The following LMTK2 variants were observed in gnomAD, a reference collection of about 807,000 sequenced individuals.
The protein encoded by LMTK2 is lemur tail kinase 2, also known as serine/threonine-protein kinase LMTK2.
In LMTK2, 37 loss-of-function variants were observed where a neutral mutation model predicts 127.5. The ratio of observed to expected loss-of-function variants is 0.29; its 90% CI spans 0.22 to 0.38. The LOEUF (loss-of-function observed/expected upper bound fraction) is 0.38, where lower values mean the gene tolerates loss of function less well. Ranked by LOEUF, LMTK2 falls within the 10% of genes least tolerant of loss-of-function variation. LMTK2 has a pLI of 1.00. For missense variants in LMTK2, 1,694 were observed against 1,920.3 expected, an observed-to-expected ratio of 0.88 and a Z score of 2.20; for synonymous variants, 819 against 810.1, an observed-to-expected ratio of 1.01 and a Z score of -0.19.
At chr7:98,114,524 C>T (rs1796249182) in intron 1 of LMTK2, among the ~76,000 whole-genome samples, 1 of 152,128 alleles carries the variant, frequency 6.6e-6, no homozygotes, top group Non-Finnish European at 1.5e-5. Flanking sequence ...GGATTACAGG[C>T]ATGAGCCACT....
chr7:98,128,339 T>G (rs886799770), intron 1 of LMTK2, among the ~76,000 whole-genome samples: 3 of 152,106 alleles, frequency 2.0e-5, no homozygotes, highest in African/African-American at 4.8e-5. Context: ...TGGGGAACTT[T>G]AGACACACAC....
Position 98,207,110 on chromosome 7 carries a change from G to GGCTGT in LMTK2, c.*1628_*1632dup, listed in dbSNP as rs1224044593. The GGCTGT allele has an allele frequency of 2.0e-5, 3 of 152,288 alleles. No individual in the cohort carries two copies. The highest frequency in any genetic ancestry group is 7.2e-5 in the African/African-American group (3 of 41,420). The allele number at this position is 152,288 out of a possible 1,614,324, so 9.4% of individuals were successfully genotyped here. A position where few individuals can be genotyped will look rare whatever the true frequency, so the allele number is the denominator to read the frequency against. ...AAGTCCTCGGTGGCTGGTGCAGCGC[G>GGCTGT]GCTGTGCTGTGCTGGGGAGGCAGCC... On this transcript the variant is annotated 3_prime_UTR_variant, in exon 14 of 14. Transcript: ENST00000297293.
rs117048213 is a variant in LMTK2, at chr7:98,171,869, A to G, written c.791+195A>G. 0.012 allele frequency among the ~76,000 whole-genome samples: 1,857 copies of G among 152,372 alleles called. 17 individuals carry two copies. The highest frequency in any genetic ancestry group is 0.02 in the Admixed American group (307 of 15,308). On this transcript the variant is annotated intron_variant, in intron 7 of 13. Coordinates refer to ENST00000297293, the MANE Select transcript of LMTK2 (RefSeq NM_014916.4). The surrounding 1 kb of genome is among the most constrained non-coding windows in gnomAD (Gnocchi z 5.1). The stretch of plus-strand genomic sequence containing the variant: ...GCTTCATTGAAACCAGTACCAGGGA[A>G]TAAGATGTCTTAATACATTTATTAT...
intron 1 of LMTK2, among the ~76,000 whole-genome samples, chr7:98,120,578 TTAAAG>T (rs1220305257): frequency 6.6e-6 from 1 of 152,232 alleles, no homozygotes; most frequent in Non-Finnish European, 1.5e-5. Context: ...AAATTTAAGT[TTAAAG>T]TATTTTTCTC....
intron 9 of LMTK2, among the ~76,000 whole-genome samples, chr7:98,187,887 G>A (rs906898173): frequency 7.2e-5 from 11 of 152,222 alleles, no homozygotes; most frequent in African/African-American, 2.4e-4. Flanking sequence ...GTGAGCCACC[G>A]CACCTGGCCC....
Position 98,192,215 on chromosome 7 carries a change from C to A in LMTK2, c.1750C>A (p.Pro584Thr), listed in dbSNP as rs1168245486. Residue 584 changes from proline (P) to threonine (T), a missense_variant, in exon 11 of 14, where the codon CCT becomes ACT. Pro to Thr is a conservative substitution (Grantham distance 38). Transcript: ENST00000297293. ...CATGGATAATCCAGAAAGGACTGGC[C>A]CTGAACTGTCCCAGCTCACGGCGCT... Reference protein sequence around the residue: ...TDMDNPERTGPELSQLTALRS... With the variant: ...TDMDNPERTGTELSQLTALRS... 1 of 1,524,442 alleles carries A rather than the reference C, an allele frequency of 6.6e-7. No individual in the cohort carries two copies. Among genetic ancestry groups the A allele is most frequent in the South Asian group, 1.3e-5 (1 of 74,976 alleles). The allele number at this position is 1,524,442 out of a possible 1,614,324, so 94.4% of individuals were successfully genotyped here.
intron 4 of LMTK2, among the ~76,000 whole-genome samples, chr7:98,153,047 A>T (rs1471099872): frequency 6.6e-6 from 1 of 152,228 alleles, no homozygotes; most frequent in East Asian, 1.9e-4. Context: ...TGCAACAGAC[A>T]CTGCAGGAGA....
At chr7:98,157,058 G>A (rs1380201595) in intron 5 of LMTK2, among the ~76,000 whole-genome samples, 2 of 152,100 alleles carry the variant, frequency 1.3e-5, no homozygotes, top group Non-Finnish European at 2.9e-5. Flanking sequence ...GACCAGCCTG[G>A]GCAATGTGGT....
chr7:98,194,236 G>A lies in LMTK2; in HGVS notation c.3771G>A (p.Lys1257=), dbSNP rs760023924. 6.2e-7 allele frequency: 1 copy of A among 1,614,144 alleles called. No homozygotes were observed. The highest frequency in any genetic ancestry group is 1.1e-5 in the South Asian group (1 of 91,084). Residue 1257 remains lysine (K), a synonymous_variant, in exon 11 of 14, where the codon AAG becomes AAA. Coordinates refer to ENST00000297293, the MANE Select transcript of LMTK2 (RefSeq NM_014916.4). This position sits in a 1 kb window ranked among gnomAD's most constrained non-coding sequence, Gnocchi z 5.4. The part of the protein sequence containing the change: ...LSSHSEGPKL[K]EPDIEGKYLG... Reference sequence around the variant, plus strand: ...GCCACTCCGAGGGCCCGAAGTTGAAGGAGCCGGACATCGAAGGGAAGTACC... The same window carrying A: ...GCCACTCCGAGGGCCCGAAGTTGAAAGAGCCGGACATCGAAGGGAAGTACC...
At chr7:98,115,877 A>G (rs1314284456) in intron 1 of LMTK2, among the ~76,000 whole-genome samples, 1 of 152,076 alleles carries the variant, frequency 6.6e-6, no homozygotes, top group Non-Finnish European at 1.5e-5. Context: ...ATATCTTCAT[A>G]TCATTGGTTT....
chr7:98,168,393 C>T (rs1264446777), intron 6 of LMTK2, among the ~76,000 whole-genome samples: 2 of 152,204 alleles, frequency 1.3e-5, no homozygotes, highest in Non-Finnish European at 1.5e-5. Flanking sequence ...AGCGAGGCCC[C>T]GGGCTTCGCG....
chr7:98,194,413 C>T lies in LMTK2; in HGVS notation c.3948C>T (p.His1316=). 1 of 1,614,166 alleles carries T rather than the reference C, an allele frequency of 6.2e-7. No homozygotes were observed. The highest frequency in any genetic ancestry group is 8.5e-7 in the Non-Finnish European group (1 of 1,180,044). The stretch of plus-strand genomic sequence containing the variant: ...CCGAGTCGGAGGACGAGACCGAGCA[C>T]CCCGTGCCCATCATCCTCAGCAACG... ...LSSESEDETE[H]PVPIILSNED... Residue 1316 remains histidine (H), a synonymous_variant, in exon 11 of 14, where the codon CAC becomes CAT. Transcript: ENST00000297293. The surrounding 1 kb of genome is among the most constrained non-coding windows in gnomAD (Gnocchi z 5.4).
intron 2 of LMTK2, among the ~76,000 whole-genome samples, chr7:98,137,896 C>G (rs1213283429): frequency 6.6e-6 from 1 of 152,196 alleles, no homozygotes. Flanking sequence ...CTTCTGTAGA[C>G]TGGTGAATTT....
chr7:98,110,076 A>G (rs745761290), intron 1 of LMTK2, among the ~76,000 whole-genome samples: 27 of 152,138 alleles, frequency 1.8e-4, no homozygotes, highest in Non-Finnish European at 3.7e-4. Flanking sequence ...CCCATTTCAT[A>G]GGGTCTTTCG....
chr7:98,141,323 A>G, intron 2 of LMTK2, 74 bp from the exon 3 acceptor site: 1 of 1,407,574 alleles, frequency 7.1e-7, no homozygotes, highest in Non-Finnish European at 9.9e-7. Flanking sequence ...AGCAAGTTCC[A>G]AATCATTGTG....
At chr7:98,172,244 G>A (rs1233747753) in intron 7 of LMTK2, among the ~76,000 whole-genome samples, 1 of 152,056 alleles carries the variant, frequency 6.6e-6, no homozygotes, top group Non-Finnish European at 1.5e-5. Flanking sequence ...GCAGCACAGC[G>A]ATCTGTGTAG....
intron 3 of LMTK2, among the ~76,000 whole-genome samples, chr7:98,142,069 C>T (rs982465350): frequency 6.6e-6 from 1 of 151,854 alleles, no homozygotes; most frequent in Non-Finnish European, 1.5e-5. Flanking sequence ...AATTTAAGCC[C>T]TTTTTAGAGT....
chr7:98,203,024 A>G (rs1369229410), intron 11 of LMTK2, among the ~76,000 whole-genome samples: 1 of 152,176 alleles, frequency 6.6e-6, no homozygotes, highest in East Asian at 1.9e-4. Flanking sequence ...CCTCCAGTGG[A>G]GAGGAGGCTT....
intron 6 of LMTK2, among the ~76,000 whole-genome samples, chr7:98,170,703 G>A (rs567126713): frequency 5.9e-5 from 9 of 152,174 alleles, no homozygotes; most frequent in African/African-American, 1.7e-4. Flanking sequence ...CATATGGTAA[G>A]GAGAATATGG....
Sources: allele counts gnomAD v4.1 joint callset (sites outside exome capture counted in the v4.1 genomes callset), GRCh38; gene constraint gnomAD v4.1.1; non-coding constraint Gnocchi (gnomAD v3.1); transcripts MANE v1.5; gene names NCBI Gene and HGNC (gene_info 2026-07-23, HGNC 2026-07-21).